The following FMN1 variants were observed in gnomAD, a reference collection of about 807,000 sequenced individuals.
FMN1 encodes formin-1.
FMN1 carries 110 observed loss-of-function variants against 132.4 expected under a neutral mutation model. The ratio of observed to expected loss-of-function variants is 0.83; its 90% CI spans 0.71 to 0.97. The LOEUF is 0.97. Ranked by LOEUF, FMN1 falls within the 50% of genes least tolerant of loss-of-function variation. FMN1 has a pLI of 0.00. For synonymous variants in FMN1, 722 were observed against 651.7 expected (o/e 1.11, Z -1.64); for missense variants, 1,792 against 1,705.3 (o/e 1.05, Z -0.90).
chr15:33,045,883 T>C (rs549339583), intron 6 of FMN1, among the ~76,000 whole-genome samples: 21 of 152,302 alleles, frequency 1.4e-4, no homozygotes, highest in Admixed American at 2.6e-4. Flanking sequence ...ATATTTCAAA[T>C]AAAAACGGGA....
intron 18 of FMN1, among the ~76,000 whole-genome samples, chr15:32,803,133 G>A (rs1027328307): frequency 6.6e-6 from 1 of 152,116 alleles, no homozygotes; most frequent in African/African-American, 2.4e-5. Flanking sequence ...GAGGAAAATG[G>A]TTAATTTCTA....
intron 6 of FMN1, among the ~76,000 whole-genome samples, chr15:33,052,318 G>A (rs755713853): frequency 1.3e-4 from 20 of 152,074 alleles, no homozygotes; most frequent in Admixed American, 1.1e-3. Flanking sequence ...TGGTTACTAG[G>A]AAGACTACAG....
intron 17 of FMN1, among the ~76,000 whole-genome samples, chr15:32,843,912 A>G (rs767975494): frequency 3.3e-5 from 5 of 152,224 alleles, no homozygotes; most frequent in Non-Finnish European, 7.3e-5. Context: ...CGAGAAGACC[A>G]GTTTATCTCT....
At chr15:32,942,237 T>C (rs1454052591) in intron 9 of FMN1, among the ~76,000 whole-genome samples, 1 of 152,206 alleles carries the variant, frequency 6.6e-6, no homozygotes, top group African/African-American at 2.4e-5. Context: ...ATTATTATTA[T>C]TCCTCACATA....
chr15:32,807,216 T>C (rs1046338773), intron 17 of FMN1, among the ~76,000 whole-genome samples: 8 of 152,242 alleles, frequency 5.3e-5, no homozygotes, highest in African/African-American at 1.9e-4. Flanking sequence ...TCTCTAAATG[T>C]AGTATATTTC....
At chr15:33,090,193 T>G (rs762345141) in intron 4 of FMN1, among the ~76,000 whole-genome samples, 10 of 152,190 alleles carry the variant, frequency 6.6e-5, no homozygotes, top group Non-Finnish European at 5.9e-5. Flanking sequence ...TAGAGATCAC[T>G]GTTGAATATA....
At chr15:33,193,107 C>G (rs1014814317) in intron 2 of FMN1, among the ~76,000 whole-genome samples, 2 of 152,248 alleles carry the variant, frequency 1.3e-5, no homozygotes, top group Middle Eastern at 6.8e-3. Flanking sequence ...TCTAACTATT[C>G]ATTGGTCCTG....
chr15:32,788,759 T>C (rs190213248), intron 19 of FMN1, among the ~76,000 whole-genome samples: 1 of 152,368 alleles, frequency 6.6e-6, no homozygotes, highest in East Asian at 1.9e-4. Context: ...TCTAAGGTTT[T>C]GATTTGAGCT....
At chr15:32,960,804 T>C (rs1175292118) in intron 9 of FMN1, among the ~76,000 whole-genome samples, 2 of 151,910 alleles carry the variant, frequency 1.3e-5, no homozygotes, top group Non-Finnish European at 2.9e-5. Flanking sequence ...GAGACCAACC[T>C]GGCCAACTTG....
intron 7 of FMN1, among the ~76,000 whole-genome samples, chr15:32,990,318 G>A (rs913247228): frequency 5.3e-5 from 8 of 152,246 alleles, no homozygotes; most frequent in Admixed American, 2.0e-4. Context: ...CCGTGAGGAA[G>A]AAGAAAAAAA....
At chr15:33,128,685 T>G (rs371675589) in intron 4 of FMN1, among the ~76,000 whole-genome samples, 1 of 152,216 alleles carries the variant, frequency 6.6e-6, no homozygotes, top group African/African-American at 2.4e-5. Flanking sequence ...TCTCACTGAC[T>G]TCACGAATAA....
chr15:32,988,489 C>G, intron 7 of FMN1, among the ~76,000 whole-genome samples: 1 of 152,200 alleles, frequency 6.6e-6, no homozygotes, highest in African/African-American at 2.4e-5. Flanking sequence ...CTCAGTACAA[C>G]TCACCATTAT....
chr15:32,783,588 A>T (rs1158579994), intron 19 of FMN1, among the ~76,000 whole-genome samples: 1 of 151,856 alleles, frequency 6.6e-6, no homozygotes, highest in Non-Finnish European at 1.5e-5. Flanking sequence ...CTAAAAATAC[A>T]AAAAATTAGC....
rs115256215 is a variant in FMN1, at chr15:32,914,257, C to T, written c.3227-3722G>A. 4.0e-3 allele frequency among the ~76,000 whole-genome samples: 605 copies of T among 152,270 alleles called. 3 individuals carry two copies. The highest frequency in any genetic ancestry group is 0.014 in the African/African-American group (579 of 41,544). On this transcript the variant is annotated intron_variant, in intron 10 of 20. Coordinates refer to ENST00000616417, the MANE Select transcript of FMN1 (RefSeq NM_001277313.2). ...ACTATTATATTGCTTTAGGCAGACA[C>T]TGAAAACACTAATCTATTAATCACC...
intron 16 of FMN1, among the ~76,000 whole-genome samples, chr15:32,869,136 G>A (rs149341295): frequency 5.3e-5 from 8 of 152,286 alleles, no homozygotes; most frequent in East Asian, 1.9e-4. Context: ...GAGAACGCAC[G>A]GGCCATTTGA....
At chr15:32,849,651 A>G (rs1000982452) in intron 17 of FMN1, among the ~76,000 whole-genome samples, 8 of 151,062 alleles carry the variant, frequency 5.3e-5, no homozygotes, top group African/African-American at 1.9e-4. Flanking sequence ...CTGTGATAAA[A>G]TAGCTTTCTT....
chr15:33,140,348 G>A (rs1196662053), intron 4 of FMN1, among the ~76,000 whole-genome samples: 1 of 128,358 alleles, frequency 7.8e-6, no homozygotes, highest in Non-Finnish European at 1.8e-5. Flanking sequence ...AGTTACCCTT[G>A]AACTAATTTT....
At chr15:32,888,345 G>T (rs905622379) in intron 15 of FMN1, 53 bp from the exon 16 acceptor site, 2 of 1,465,042 alleles carry the variant, frequency 1.4e-6, no homozygotes, top group Non-Finnish European at 1.8e-6. Context: ...GTCACTTTCA[G>T]TTGAAATTCC....
intron 6 of FMN1, among the ~76,000 whole-genome samples, chr15:33,034,810 C>G (rs770951211): frequency 1.3e-5 from 2 of 152,142 alleles, no homozygotes; most frequent in East Asian, 1.9e-4. Context: ...CTCCACACCC[C>G]CTGTGCCCTC....
Sources: gnomAD v4.1 joint callset for allele counts (sites outside exome capture counted in the v4.1 genomes callset) on GRCh38, gnomAD v4.1.1 for gene constraint, MANE v1.5 for transcripts, NCBI Gene and HGNC (gene_info 2026-07-23, HGNC 2026-07-21) for gene names.